Variants in BRIP1 observed in about 807,000 individuals in gnomAD.
BRIP1 encodes the protein BRCA1 interacting DNA helicase 1.
A neutral mutation model predicts 119.7 loss-of-function variants in BRIP1; 88 were observed. The observed-to-expected ratio is 0.74, with a 90% confidence interval of 0.62 to 0.88. The LOEUF is 0.88. Among genes scored for constraint, BRIP1 ranks in the 40% least tolerant of loss-of-function variants. The probability of loss-of-function intolerance (pLI) is 0.00; values close to 1 mark genes in which losing one functional copy is unlikely to be tolerated. For missense variants in BRIP1, 1,259 were observed against 1,455.4 expected (o/e 0.87, Z 2.20); for synonymous variants, 443 against 496.5 (o/e 0.89, Z 1.43).
In BRIP1 at chr17:61,729,951, G is replaced by A. The variant is rs192655237; in HGVS notation, c.2379+13062C>T. On this transcript the variant is annotated intron_variant, in intron 16 of 19. Transcript: ENST00000259008. This position sits in a 1 kb window ranked among gnomAD's most constrained non-coding sequence, Gnocchi z 5.6. ...TCCTGGAATGCACAGGACACTCCTCGGAACAAAGAATTACCCAGTCCAAAA... is the reference window on the plus strand; with the variant it reads ...TCCTGGAATGCACAGGACACTCCTCAGAACAAAGAATTACCCAGTCCAAAA... Among the ~76,000 whole-genome samples the A allele has an allele frequency of 2.8e-4, 42 of 152,188 alleles. No homozygotes were observed. The East Asian group carries it at 6.6e-3, about 24-fold the overall frequency.
In BRIP1 at chr17:61,815,767, A is replaced by G. The variant is rs985934674; in HGVS notation, c.628-7010T>C. Among the ~76,000 whole-genome samples the G allele has an allele frequency of 4.6e-5, 7 of 152,186 alleles. No homozygotes were observed. Among genetic ancestry groups the G allele is most frequent in the Admixed American group, 4.6e-4 (7 of 15,258 alleles). ...TCTACCACTTAAGCAAAAAAGCAAAACACTGCCCTTTATTTCAAAAAGTCA... is the reference window on the plus strand; with the variant it reads ...TCTACCACTTAAGCAAAAAAGCAAAGCACTGCCCTTTATTTCAAAAAGTCA... On this transcript the variant is annotated intron_variant, in intron 6 of 19. Coordinates refer to ENST00000259008, the MANE Select transcript of BRIP1 (RefSeq NM_032043.3). The surrounding 1 kb of genome is among the most constrained non-coding windows in gnomAD (Gnocchi z 4.1).
In BRIP1 at chr17:61,796,993, CTG is replaced by C. The variant is rs557499772; in HGVS notation, c.1340+2105_1340+2106del. Among the ~76,000 whole-genome samples the C allele has an allele frequency of 1.3e-4, 20 of 152,002 alleles. No individual in the cohort carries two copies. In the East Asian group the frequency reaches 3.9e-3, roughly 29 times the overall value. ...ATACTGTTTGCTTAGATGAGGAAGA[CTG>C]GGGAGAAAACAGAACACAGGAAGAA... On this transcript the variant is annotated intron_variant, in intron 9 of 19. Coordinates refer to ENST00000259008, the MANE Select transcript of BRIP1 (RefSeq NM_032043.3). This position sits in a 1 kb window ranked among gnomAD's most constrained non-coding sequence, Gnocchi z 4.8.
rs1267258927 is a variant in BRIP1, at chr17:61,857,368, G to A, written c.206-137C>T. The A allele has an allele frequency of 1.7e-5, 12 of 724,966 alleles. No individual in the cohort carries two copies. In the East Asian group the frequency reaches 2.7e-4, roughly 17 times the overall value. The allele number at this position is 724,966 out of a possible 1,614,324, so 44.9% of individuals were successfully genotyped here. ...AGGGCTAACACCAGGAAGGTACCTG[G>A]CAAACCTGGACAAGCTGGTCACTTT... On this transcript the variant is annotated intron_variant, in intron 3 of 19. Coordinates refer to ENST00000259008, the MANE Select transcript of BRIP1 (RefSeq NM_032043.3). This position sits in a 1 kb window ranked among gnomAD's most constrained non-coding sequence, Gnocchi z 5.1.
chr17:61,715,151 T>C (rs1298035363), intron 17 of BRIP1, among the ~76,000 whole-genome samples: 1 of 150,622 alleles, frequency 6.6e-6, no homozygotes, highest in Admixed American at 6.6e-5. Context: ...AGTGAGCCGA[T>C]ATCACGCCAC....
rs1567764558 is a variant in BRIP1, at chr17:61,725,917, T to C, written c.2380-9854A>G. Among the ~76,000 whole-genome samples, 2 of 152,216 alleles carry C rather than the reference T, an allele frequency of 1.3e-5. No individual in the cohort carries two copies. Among genetic ancestry groups the C allele is most frequent in the Non-Finnish European group, 2.9e-5 (2 of 68,042 alleles). ...TGTGGGATTAAGGTGTTATCCACCA[T>C]GCCTGGCCTAAAAAATTCTTTTTAA... On this transcript the variant is annotated intron_variant, in intron 16 of 19. Coordinates refer to ENST00000259008, the MANE Select transcript of BRIP1 (RefSeq NM_032043.3). The surrounding 1 kb of genome is among the most constrained non-coding windows in gnomAD (Gnocchi z 5.3).
Position 61,763,031 on chromosome 17 carries a change from G to A in BRIP1, c.2097+13370C>T, listed in dbSNP as rs892903889. On this transcript the variant is annotated intron_variant, in intron 14 of 19. Coordinates refer to ENST00000259008, the MANE Select transcript of BRIP1 (RefSeq NM_032043.3). ...ATGTCTCATGCCCTTACTTTACGTGGCATCTAAAACAACTGAACTCAAAGA... is the reference window on the plus strand; with the variant it reads ...ATGTCTCATGCCCTTACTTTACGTGACATCTAAAACAACTGAACTCAAAGA... 2.0e-5 allele frequency among the ~76,000 whole-genome samples: 3 copies of A among 152,210 alleles called. No individual in the cohort carries two copies. In the East Asian group the frequency reaches 5.8e-4, roughly 29 times the overall value.
Position 61,859,801 on chromosome 17 carries a change from A to C in BRIP1, c.200T>G (p.Leu67Arg). 1 of 1,607,188 alleles carries C rather than the reference A, an allele frequency of 6.2e-7. No homozygotes were observed. Among genetic ancestry groups the C allele is most frequent in the Non-Finnish European group, 8.5e-7 (1 of 1,173,756 alleles). ...GATATCAAGCAACTACTTACCACTA[A>C]GAGATTGTTGCCATGCTAAAGCAGA... ...LCSALAWQQS[L>R]SGKPADEGVS... The change falls in exon 3 of 20, where the codon CTT (leucine) becomes CGT (arginine). Residue 67 changes from leucine to arginine, a missense_variant. Coordinates refer to ENST00000259008, the MANE Select transcript of BRIP1 (RefSeq NM_032043.3).
intron 14 of BRIP1, among the ~76,000 whole-genome samples, chr17:61,763,786 C>A (rs550047083): frequency 1.3e-5 from 2 of 152,014 alleles, no homozygotes; most frequent in African/African-American, 2.4e-5. Context: ...AATACAAGAA[C>A]CCAAATAGAT....
Position 61,804,066 on chromosome 17 carries a change from C to T in BRIP1, c.919-2592G>A, listed in dbSNP as rs2078035541. Among the ~76,000 whole-genome samples, 1 of 152,016 alleles carries T rather than the reference C, an allele frequency of 6.6e-6. No individual in the cohort carries two copies. The highest frequency in any genetic ancestry group is 2.4e-5 in the African/African-American group (1 of 41,396). The stretch of plus-strand genomic sequence containing the variant: ...ATTGCTTTTTTAAAGAATATGTGCA[C>T]ATACATTATAGCAAATACATTTTTT... On this transcript the variant is annotated intron_variant, in intron 7 of 19. Coordinates refer to ENST00000259008, the MANE Select transcript of BRIP1 (RefSeq NM_032043.3). This position sits in a 1 kb window ranked among gnomAD's most constrained non-coding sequence, Gnocchi z 4.5.
chr17:61,786,752 TTA>T (rs1003586789), intron 10 of BRIP1, among the ~76,000 whole-genome samples: 2 of 136,494 alleles, frequency 1.5e-5, no homozygotes, highest in African/African-American at 5.4e-5. Flanking sequence ...TATTTCTATA[TTA>T]TATATTTTAT....
Position 61,780,387 on chromosome 17 carries a change from A to G in BRIP1, c.1809T>C (p.Ile603=), listed in dbSNP as rs370393808. 2 of 1,610,326 alleles carry G rather than the reference A, an allele frequency of 1.2e-6. No individual in the cohort carries two copies. Among genetic ancestry groups the G allele is most frequent in the East Asian group, 4.5e-5 (2 of 44,824 alleles). The change falls in exon 13 of 20, where the codon ATT becomes ATC. Residue 603 remains isoleucine, a synonymous_variant. Transcript: ENST00000259008. This position sits in a 1 kb window ranked among gnomAD's most constrained non-coding sequence, Gnocchi z 5.4. ...AAACAATGGTCTGAACTTTGCCATT[A>G]ATATCTGAAAAGGCCTAAAAGAAAA... ...CLNPAVAFSD[I]NGKVQTIVLT...
Position 61,845,819 on chromosome 17 carries a change from G to A in BRIP1, c.627+1282C>T, listed in dbSNP as rs373238526. ...AGACAGAATGTTAAAAACCTAAACGGCTGAGATTAAATAAAATTAGTAATT... is the reference window on the plus strand; with the variant it reads ...AGACAGAATGTTAAAAACCTAAACGACTGAGATTAAATAAAATTAGTAATT... On this transcript the variant is annotated intron_variant, in intron 6 of 19. Coordinates refer to ENST00000259008, the MANE Select transcript of BRIP1 (RefSeq NM_032043.3). The surrounding 1 kb of genome is among the most constrained non-coding windows in gnomAD (Gnocchi z 4.2). 2.2e-4 allele frequency among the ~76,000 whole-genome samples: 34 copies of A among 152,216 alleles called. 2 individuals are homozygous for A. Among genetic ancestry groups the A allele is most frequent in the African/African-American group, 7.2e-4 (30 of 41,518 alleles).
intron 16 of BRIP1, among the ~76,000 whole-genome samples, chr17:61,718,785 A>G (rs1279439214): frequency 1.3e-5 from 2 of 152,208 alleles, no homozygotes; most frequent in Non-Finnish European, 2.9e-5. Context: ...CTTGGTATCC[A>G]TGGGTGACTG....
chr17:61,716,191 T>A, intron 16 of BRIP1, 128 bp from the exon 17 acceptor site: 1 of 628,716 alleles, frequency 1.6e-6, no homozygotes, highest in South Asian at 2.6e-5. Flanking sequence ...TTTTCAGTAC[T>A]GATTTTTTTC....
rs142386105 is a variant in BRIP1 at position 61,848,594 on chromosome 17, T to C, written c.507+535A>G. On this transcript the variant is annotated intron_variant, in intron 5 of 19. Coordinates refer to ENST00000259008, the MANE Select transcript of BRIP1 (RefSeq NM_032043.3). This position sits in a 1 kb window ranked among gnomAD's most constrained non-coding sequence, Gnocchi z 4.3. ...CACTGCCATGAATTCTGAGAAAATA[T>C]TGTGTTCATCTGCATCCAAATTTCA... Among the ~76,000 whole-genome samples, 1 of 152,320 alleles carries C rather than the reference T, an allele frequency of 6.6e-6. No individual in the cohort carries two copies. Among genetic ancestry groups the C allele is most frequent in the East Asian group, 1.9e-4 (1 of 5,188 alleles).
intron 6 of BRIP1, among the ~76,000 whole-genome samples, chr17:61,839,036 T>G (rs1367747593): frequency 6.6e-6 from 1 of 152,088 alleles, no homozygotes; most frequent in African/African-American, 2.4e-5. Context: ...CTAAGAAATG[T>G]TACAGCAGAA....
In BRIP1 at chr17:61,703,310, C is replaced by G. The variant is rs1037134531; in HGVS notation, c.2493-9798G>C. Among the ~76,000 whole-genome samples, 1 of 152,136 alleles carries G rather than the reference C, an allele frequency of 6.6e-6. No homozygotes were observed. The highest frequency in any genetic ancestry group is 1.5e-5 in the Non-Finnish European group (1 of 68,016). On this transcript the variant is annotated intron_variant, in intron 17 of 19. Transcript: ENST00000259008. The surrounding 1 kb of genome is among the most constrained non-coding windows in gnomAD (Gnocchi z 5.0). ...AACTCCTGACCTCAAGTGACCTGCC[C>G]GCCTTGACCTCCCAGTGCTGAGATT... is the stretch of plus-strand genomic sequence containing the variant.
rs2076886612 is a variant in BRIP1 at position 61,734,092 on chromosome 17, A to G, written c.2379+8921T>C. The stretch of plus-strand genomic sequence containing the variant: ...GCAATACAAATAAAATGCAATTTTA[A>G]AACCTAAATATATTTGTACCTTATC... On this transcript the variant is annotated intron_variant, in intron 16 of 19. Coordinates refer to ENST00000259008, the MANE Select transcript of BRIP1 (RefSeq NM_032043.3). The surrounding 1 kb of genome is among the most constrained non-coding windows in gnomAD (Gnocchi z 5.2). Among the ~76,000 whole-genome samples, 1 of 152,200 alleles carries G rather than the reference A, an allele frequency of 6.6e-6. No individual in the cohort carries two copies. The highest frequency in any genetic ancestry group is 6.5e-5 in the Admixed American group (1 of 15,278).
At chr17:61,750,132 A>T (rs1394059362) in intron 14 of BRIP1, among the ~76,000 whole-genome samples, 4 of 152,206 alleles carry the variant, frequency 2.6e-5, no homozygotes, top group Non-Finnish European at 5.9e-5. Context: ...TTCAGTTTGC[A>T]CCACTGAGTA....
Sources: allele counts gnomAD v4.1 joint callset (sites outside exome capture counted in the v4.1 genomes callset), GRCh38; gene constraint gnomAD v4.1.1; non-coding constraint Gnocchi (gnomAD v3.1); transcripts MANE v1.5; gene names NCBI Gene and HGNC (gene_info 2026-07-23, HGNC 2026-07-21).